Variants in PPP1R12B observed in about 807,000 individuals in gnomAD.
PPP1R12B encodes protein phosphatase 1 regulatory subunit 12B.
Under a neutral mutation model 126.1 loss-of-function variants are expected in PPP1R12B, and 76 were observed. That is an observed-to-expected ratio of 0.60 (90% CI 0.50 to 0.73). The LOEUF is 0.73. Among genes scored for constraint, PPP1R12B ranks in the 30% least tolerant of loss-of-function variants. The probability of loss-of-function intolerance (pLI) is 0.00; values close to 1 mark genes in which losing one functional copy is unlikely to be tolerated. For missense variants in PPP1R12B, 1,052 were observed against 1,205.1 expected (o/e 0.87, Z 1.88); for synonymous variants, 356 against 434.7 (o/e 0.82, Z 2.25).
rs759358592 is a variant in PPP1R12B at position 202,427,069 on chromosome 1, A to G, written c.731A>G (p.Asn244Ser). ...TTAATTCAGGCTGGCTATGAACTCA[A>G]TGTTCAGGATTATGATGGCTGGACT... ...RLLIQAGYEL[N>S]VQDYDGWTPL... Residue 244 changes from asparagine (N) to serine (S), a missense_variant, in exon 5 of 24, where the codon AAT becomes AGT. Transcript: ENST00000608999. The G allele has an allele frequency of 1.4e-5, 23 of 1,613,610 alleles. No homozygotes were observed. In the East Asian group the frequency reaches 3.6e-4, roughly 25 times the overall value.
At chr1:202,385,647 T>G (rs1662992326) in intron 1 of PPP1R12B, among the ~76,000 whole-genome samples, 1 of 152,174 alleles carries the variant, frequency 6.6e-6, no homozygotes, top group Non-Finnish European at 1.5e-5. Context: ...CCTCTCATTT[T>G]TACAGATCAA....
chr1:202,447,202 A>G (rs903686453), intron 12 of PPP1R12B, among the ~76,000 whole-genome samples: 3 of 152,218 alleles, frequency 2.0e-5, no homozygotes, highest in Admixed American at 6.5e-5. Flanking sequence ...TCATGCATAC[A>G]TATATCATCT....
chr1:202,570,401 G>A (rs1430797992), intron 23 of PPP1R12B, among the ~76,000 whole-genome samples: 1 of 152,122 alleles, frequency 6.6e-6, no homozygotes, highest in African/African-American at 2.4e-5. Context: ...CAGAATGAAG[G>A]AGAAATGCTG....
intron 13 of PPP1R12B, among the ~76,000 whole-genome samples, chr1:202,476,854 C>T (rs1393346253): frequency 6.6e-6 from 1 of 151,928 alleles, no homozygotes; most frequent in African/African-American, 2.4e-5. Flanking sequence ...ACCCAATTTC[C>T]CATTGGATTC....
intron 18 of PPP1R12B, among the ~76,000 whole-genome samples, chr1:202,534,546 G>A (rs1386561908): frequency 1.4e-5 from 2 of 147,458 alleles, no homozygotes; most frequent in Non-Finnish European, 3.0e-5. Context: ...CCAACATGGG[G>A]TTCTTTCTAG....
intron 12 of PPP1R12B, among the ~76,000 whole-genome samples, chr1:202,446,394 C>G (rs967743996): frequency 6.8e-6 from 1 of 147,824 alleles, no homozygotes; most frequent in Non-Finnish European, 1.5e-5. Flanking sequence ...GCTGGGACTA[C>G]AGGCGCATGC....
intron 13 of PPP1R12B, among the ~76,000 whole-genome samples, chr1:202,453,803 TTTTTTC>T (rs1171003650): frequency 6.6e-6 from 1 of 152,094 alleles, no homozygotes; most frequent in Non-Finnish European, 1.5e-5. Flanking sequence ...CTGTCCTTTC[TTTTTTC>T]TTTTTTTCAT....
intron 13 of PPP1R12B, among the ~76,000 whole-genome samples, chr1:202,451,624 C>T (rs1218460989): frequency 1.3e-5 from 2 of 152,096 alleles, no homozygotes; most frequent in Admixed American, 6.5e-5. Flanking sequence ...CCCACCTTTC[C>T]CCCTTTTCTA....
chr1:202,415,905 T>A (rs561112088), intron 1 of PPP1R12B, among the ~76,000 whole-genome samples: 83 of 152,314 alleles, frequency 5.4e-4, no homozygotes, highest in African/African-American at 2.0e-3. Flanking sequence ...AACTTCCCAC[T>A]GAGAAAAACT....
intron 1 of PPP1R12B, among the ~76,000 whole-genome samples, chr1:202,375,366 A>AC (rs1413697305): frequency 6.6e-6 from 1 of 152,128 alleles, no homozygotes; most frequent in Non-Finnish European, 1.5e-5. Context: ...CCGTTTTTGA[A>AC]TTCTATGCTT....
rs1267100092 is a variant in PPP1R12B at position 202,444,570 on chromosome 1, C to A, written c.1667+1998C>A. On this transcript the variant is annotated intron_variant, in intron 12 of 23. Transcript: ENST00000608999. ...TAAATTTTAAATCTCTGCTCCACAACCTCTCCAAATTCTCTGGTCTTACTT... is the reference window on the plus strand; with the variant it reads ...TAAATTTTAAATCTCTGCTCCACAAACTCTCCAAATTCTCTGGTCTTACTT... Among the ~76,000 whole-genome samples the A allele has an allele frequency of 1.3e-5, 2 of 152,174 alleles. 1 individual carries two copies. The highest frequency in any genetic ancestry group is 2.9e-5 in the Non-Finnish European group (2 of 68,034).
At chr1:202,574,110 C>T (rs1277470027) in intron 23 of PPP1R12B, among the ~76,000 whole-genome samples, 1 of 148,012 alleles carries the variant, frequency 6.8e-6, no homozygotes, top group Non-Finnish European at 1.5e-5. Context: ...AGAGAGCTGA[C>T]AGTTCTTTCT....
At chr1:202,383,809 A>C (rs1487757905) in intron 1 of PPP1R12B, among the ~76,000 whole-genome samples, 2 of 152,204 alleles carry the variant, frequency 1.3e-5, no homozygotes, top group Admixed American at 1.3e-4. Flanking sequence ...ATTTATCTTC[A>C]CATTGATACA....
intron 13 of PPP1R12B, among the ~76,000 whole-genome samples, chr1:202,449,964 G>A (rs1235680201): frequency 1.3e-5 from 2 of 152,220 alleles, no homozygotes; most frequent in Non-Finnish European, 2.9e-5. Context: ...GGGATTACAG[G>A]CGTGAGCCAC....
rs1298681592 is a variant in PPP1R12B, at chr1:202,422,622, A to G, written c.425A>G (p.Tyr142Cys). 1 of 1,613,272 alleles carries G rather than the reference A, an allele frequency of 6.2e-7. No individual in the cohort carries two copies. Among genetic ancestry groups the G allele is most frequent in the East Asian group, 2.2e-5 (1 of 44,872 alleles). ...GATCCTGGATCTTGTCTACGCAGGT[A>G]TTTCATTAATCACGGAGCCAGTGTA... ...ASCGYLNIAE[Y>C]FINHGASVGI... The change falls in exon 3 of 24, where the codon TAT becomes TGT. Residue 142 changes from tyrosine to cysteine, a missense_variant and splice_region_variant. Tyr to Cys is a radical substitution (Grantham distance 194). Transcript: ENST00000608999.
intron 1 of PPP1R12B, among the ~76,000 whole-genome samples, chr1:202,396,995 T>C (rs1226091179): frequency 6.6e-6 from 1 of 152,218 alleles, no homozygotes; most frequent in East Asian, 1.9e-4. Flanking sequence ...CTTTTCTTTT[T>C]ATGTGAATGC....
intron 14 of PPP1R12B, among the ~76,000 whole-genome samples, chr1:202,488,909 G>A (rs1678501313): frequency 6.6e-6 from 1 of 152,118 alleles, no homozygotes; most frequent in South Asian, 2.1e-4. Context: ...CAGGCATGGT[G>A]GTGCATGCCT....
In PPP1R12B at chr1:202,383,744, A is replaced by C. The variant is rs1300568903; in HGVS notation, c.292-33043A>C. ...GTCTCAAAAAAAAAGAAAAAGATAT[A>C]ATCTAAATTATATTTGTTAAGATGT... On this transcript the variant is annotated intron_variant, in intron 1 of 23. Transcript: ENST00000608999. Among the ~76,000 whole-genome samples the C allele has an allele frequency of 2.0e-5, 3 of 152,260 alleles. No individual in the cohort carries two copies. In the East Asian group the frequency reaches 5.8e-4, roughly 29 times the overall value.
chr1:202,510,072 C>T (rs1681259328), intron 18 of PPP1R12B, among the ~76,000 whole-genome samples: 1 of 152,178 alleles, frequency 6.6e-6, no homozygotes, highest in African/African-American at 2.4e-5. Context: ...TTTTAAAAAA[C>T]TCCATATATG....
Sources: allele counts gnomAD v4.1 joint callset (sites outside exome capture counted in the v4.1 genomes callset), GRCh38; gene constraint gnomAD v4.1.1; transcripts MANE v1.5; gene names NCBI Gene and HGNC (gene_info 2026-07-23, HGNC 2026-07-21).